DIS3L2: variants seen among roughly 807,000 people sequenced by gnomAD.
DIS3L2 encodes DIS3-like exonuclease 2.
A neutral mutation model predicts 97.5 loss-of-function variants in DIS3L2; 34 were observed. The observed-to-expected ratio is 0.35, with a 90% CI of 0.27 to 0.46. The LOEUF is 0.46. DIS3L2 is among the 20% of genes least tolerant of loss of function. The pLI is 1.00. For synonymous variants in DIS3L2, 435 were observed against 445.2 expected (o/e 0.98, Z 0.29); for missense variants, 1,038 against 1,146.0 (o/e 0.91, Z 1.36).
chr2:231,981,966 T>A (rs1424508626), intron 1 of DIS3L2, among the ~76,000 whole-genome samples: 1 of 150,714 alleles, frequency 6.6e-6, no homozygotes, highest in African/African-American at 2.4e-5. Context: ...CCTGGGAGGC[T>A]GAGGTTGTGG....
intron 9 of DIS3L2, among the ~76,000 whole-genome samples, chr2:232,201,920 AT>A (rs1691904110): frequency 6.6e-6 from 1 of 152,200 alleles, no homozygotes; most frequent in Non-Finnish European, 1.5e-5. Context: ...ATGGATGTTC[AT>A]TTTACTATTC....
intron 7 of DIS3L2, among the ~76,000 whole-genome samples, chr2:232,134,472 G>A (rs1698303680): frequency 6.6e-6 from 1 of 152,186 alleles, no homozygotes. Flanking sequence ...GGGGTTAGTG[G>A]AAGGACCAGA....
intron 1 of DIS3L2, among the ~76,000 whole-genome samples, chr2:231,977,980 T>C (rs1693146987): frequency 6.6e-6 from 1 of 152,210 alleles, no homozygotes; most frequent in Non-Finnish European, 1.5e-5. Flanking sequence ...ATGAGTCTCC[T>C]TGTGATACAA....
intron 6 of DIS3L2, among the ~76,000 whole-genome samples, chr2:232,125,997 AT>A (rs1456859055): frequency 1.3e-5 from 2 of 152,180 alleles, no homozygotes; most frequent in Non-Finnish European, 2.9e-5. Flanking sequence ...GAAATTGTAA[AT>A]TTCTGTGGCC....
downstream of DIS3L2, among the ~76,000 whole-genome samples, chr2:232,337,488 T>C (rs1479194458): frequency 3.9e-5 from 6 of 152,046 alleles, no homozygotes; most frequent in African/African-American, 1.4e-4. Context: ...GAGGGGAAAC[T>C]GGCTGCTGGT....
intron 14 of DIS3L2, among the ~76,000 whole-genome samples, chr2:232,327,603 T>C (rs991364541): frequency 1.3e-5 from 2 of 152,250 alleles, no homozygotes; most frequent in African/African-American, 4.8e-5. Flanking sequence ...TATCTTATTA[T>C]GAAATCCGAA....
intron 1 of DIS3L2, among the ~76,000 whole-genome samples, chr2:231,988,577 A>G (rs1025170882): frequency 2.0e-5 from 3 of 152,206 alleles, no homozygotes; most frequent in Admixed American, 6.5e-5. Context: ...GTAAATTACA[A>G]CTGGTTGTGA....
At chr2:232,185,268 A>C (rs1340144926) in intron 9 of DIS3L2, among the ~76,000 whole-genome samples, 4 of 152,240 alleles carry the variant, frequency 2.6e-5, no homozygotes, top group African/African-American at 9.6e-5. Flanking sequence ...ATATGGAACT[A>C]CAAACTAGAA....
intron 1 of DIS3L2, among the ~76,000 whole-genome samples, chr2:231,979,626 G>A (rs1372859889): frequency 6.6e-6 from 1 of 152,066 alleles, no homozygotes; most frequent in African/African-American, 2.4e-5. Flanking sequence ...TTGCCAGGCT[G>A]GAGTGCAGTG....
In DIS3L2 at chr2:232,263,300, A is replaced by G; in HGVS notation, c.1519A>G (p.Lys507Glu). 1.2e-6 allele frequency: 2 copies of G among 1,614,200 alleles called. No homozygotes were observed. Among genetic ancestry groups the G allele is most frequent in the Non-Finnish European group, 1.7e-6 (2 of 1,180,048 alleles). Residue 507 changes from lysine (K) to glutamate (E), a missense_variant, in exon 13 of 21, where the codon AAA becomes GAA. Physicochemically the swap from Lys to Glu is moderately conservative, Grantham distance 56. This residue lies in a region of DIS3L2 where 813 missense variants were observed against 880.1 expected (regional missense o/e 0.92). Transcript: ENST00000325385. ...GAGCATGATTGAAAGCCCAACTGAG[A>G]AAATCCCTGCGAAAGAGCTGCCCCC... Reference protein sequence around the residue: ...AQSMIESPTEKIPAKELPPIS... With the variant: ...AQSMIESPTEEIPAKELPPIS...
At chr2:232,254,504 G>A (rs950976861) in intron 12 of DIS3L2, among the ~76,000 whole-genome samples, 1 of 152,088 alleles carries the variant, frequency 6.6e-6, no homozygotes, top group Non-Finnish European at 1.5e-5. Context: ...TTTTGAAAAC[G>A]TGTAGCTTTT....
At chr2:232,262,965 C>T (rs935576969) in intron 12 of DIS3L2, among the ~76,000 whole-genome samples, 2 of 152,130 alleles carry the variant, frequency 1.3e-5, no homozygotes, top group Admixed American at 6.5e-5. Context: ...GCTTGGGGAC[C>T]GTCCATAGGT....
rs573031156 is a variant in DIS3L2 at position 232,263,399 on chromosome 2, C to G, written c.1618C>G (p.Arg540Gly). ...TCTCCACGGAATTGCCAAGCAGTTA[C>G]GCCAGCAGCGCTTTGTGGACGGCGC... ...LNLHGIAKQL[R>G]QQRFVDGALR... Residue 540 changes from arginine to glycine, a missense_variant, in exon 13 of 21, where the codon CGC becomes GGC. Arg to Gly is a moderately radical substitution (Grantham distance 125). Around this residue, in one of 3 missense-constraint regions of DIS3L2, gnomAD observed 813 missense variants for 880.1 expected, o/e 0.92. Coordinates refer to ENST00000325385, the MANE Select transcript of DIS3L2 (RefSeq NM_152383.5). 6.2e-7 allele frequency: 1 copy of G among 1,614,046 alleles called. No individual in the cohort carries two copies. The highest frequency in any genetic ancestry group is 8.5e-7 in the Non-Finnish European group (1 of 1,180,046).
chr2:232,297,362 C>T (rs1694747857), intron 13 of DIS3L2, among the ~76,000 whole-genome samples: 1 of 152,156 alleles, frequency 6.6e-6, no homozygotes, highest in African/African-American at 2.4e-5. Context: ...CTCTCTGACC[C>T]AGTGACACCT....
At chr2:232,216,873 T>C (rs10204538) in intron 10 of DIS3L2, among the ~76,000 whole-genome samples, 23,070 of 143,194 alleles carry the variant, frequency 0.16, 3,109 homozygotes, top group African/African-American at 0.37. Context: ...GATGGAGTCT[T>C]GCTCTGTCGC....
chr2:231,992,225 A>G (rs769262645), intron 1 of DIS3L2, among the ~76,000 whole-genome samples: 3 of 152,096 alleles, frequency 2.0e-5, no homozygotes, highest in Non-Finnish European at 2.9e-5. Context: ...AGTAGGGGAG[A>G]GGATATGGAA....
intron 10 of DIS3L2, among the ~76,000 whole-genome samples, chr2:232,213,952 TG>T (rs1310526772): frequency 2.0e-5 from 3 of 152,120 alleles, no homozygotes; most frequent in Non-Finnish European, 4.4e-5. Context: ...AATCTCAGCT[TG>T]GAAGGGATTC....
intron 6 of DIS3L2, among the ~76,000 whole-genome samples, chr2:232,106,377 A>G (rs184627326): frequency 1.2e-3 from 189 of 152,310 alleles, no homozygotes; most frequent in African/African-American, 4.1e-3. Context: ...AAGATTTACC[A>G]AGCAAATGGA....
chr2:232,234,056 C>T (rs2106247400), intron 10 of DIS3L2, among the ~76,000 whole-genome samples: 1 of 152,166 alleles, frequency 6.6e-6, no homozygotes, highest in East Asian at 1.9e-4. Context: ...GAGCTGTGGC[C>T]CACTGAGATG....
Sources: gnomAD v4.1 joint callset for allele counts (sites outside exome capture counted in the v4.1 genomes callset) on GRCh38, gnomAD v4.1.1 for gene constraint, gnomAD v4.1.1 regional missense constraint, MANE v1.5 for transcripts, NCBI Gene and HGNC (gene_info 2026-07-23, HGNC 2026-07-21) for gene names.